Variants in MAML2 observed in about 807,000 individuals in gnomAD.
MAML2 encodes mastermind like transcriptional coactivator 2.
A neutral mutation model predicts 96.1 loss-of-function variants in MAML2; 22 were observed. The ratio of observed to expected loss-of-function variants is 0.23; its 90% CI spans 0.16 to 0.33. MAML2 has a LOEUF of 0.33. Among genes scored for constraint, MAML2 ranks in the 10% least tolerant of loss-of-function variants. The probability of loss-of-function intolerance (pLI) is 1.00; values close to 1 mark genes in which losing one functional copy is unlikely to be tolerated. For synonymous variants in MAML2, 561 were observed against 521.3 expected (o/e 1.08, Z -1.04); for missense variants, 1,367 against 1,392.4 (o/e 0.98, Z 0.29).
Position 96,341,486 on chromosome 11 carries a change from T to C in MAML2, c.410A>G (p.His137Arg), listed in dbSNP as rs1381312246. ...ACCATTATTGCTACTGTTCAGCAGG[T>C]GCTGCTGGTGGTGATGGTGATAGTC... ...PPDYHHHHQQ[H>R]LLNSSNNGGS... is the part of the protein sequence containing the mutation. The change falls in exon 1 of 5, where the codon CAC (histidine) becomes CGC (arginine). Residue 137 changes from histidine to arginine, a missense_variant. His to Arg is a conservative substitution (Grantham distance 29, BLOSUM62 0). Transcript: ENST00000524717. 18 of 1,551,486 alleles carry C rather than the reference T, an allele frequency of 1.2e-5. No homozygotes were observed. In the Admixed American group the frequency reaches 3.5e-4, roughly 30 times the overall value.
At chr11:96,262,121 C>G (rs151258208) in intron 1 of MAML2, among the ~76,000 whole-genome samples, 1 of 152,274 alleles carries the variant, frequency 6.6e-6, no homozygotes, top group Non-Finnish European at 1.5e-5. Context: ...TTTTCACAAG[C>G]ATTCTGGGAC....
chr11:96,288,704 G>T (rs1317919487), intron 1 of MAML2, among the ~76,000 whole-genome samples: 3 of 152,050 alleles, frequency 2.0e-5, no homozygotes, highest in Non-Finnish European at 4.4e-5. Context: ...TTAAATTAAG[G>T]TATAAAGCTG....
chr11:96,029,546 A>T (rs540842789), intron 2 of MAML2, among the ~76,000 whole-genome samples: 30 of 152,260 alleles, frequency 2.0e-4, no homozygotes, highest in African/African-American at 7.0e-4. Flanking sequence ...TTTAGAGGAT[A>T]ATCTAGATAA....
chr11:95,999,221 T>A (rs1020672152), intron 2 of MAML2, among the ~76,000 whole-genome samples: 2 of 152,120 alleles, frequency 1.3e-5, no homozygotes, highest in African/African-American at 4.8e-5. Context: ...CCAAAATCTA[T>A]CCAAAAGCAG....
intron 2 of MAML2, among the ~76,000 whole-genome samples, chr11:96,047,230 T>C (rs1322983080): frequency 2.0e-5 from 3 of 152,178 alleles, no homozygotes; most frequent in Non-Finnish European, 4.4e-5. Context: ...AAATAGTTGT[T>C]CAATGAATAA....
intron 1 of MAML2, among the ~76,000 whole-genome samples, chr11:96,148,805 C>T (rs1467822630): frequency 6.6e-6 from 1 of 151,986 alleles, no homozygotes; most frequent in Admixed American, 6.6e-5. Context: ...TAGATGATCT[C>T]ATAAAGTGGT....
In MAML2 at chr11:96,094,073, T is replaced by C. The variant is rs1030661774; in HGVS notation, c.514-556A>G. Among the ~76,000 whole-genome samples, 4 of 151,054 alleles carry C rather than the reference T, an allele frequency of 2.6e-5. No individual in the cohort carries two copies. The East Asian group carries it at 5.8e-4, about 22-fold the overall frequency. On this transcript the variant is annotated intron_variant, in intron 1 of 4. Transcript: ENST00000524717. ...AATAGTTCTCAGGCCTAAGGAGATATGCTATTATTGTTCATCTACTTTTCT... is the reference window on the plus strand; with the variant it reads ...AATAGTTCTCAGGCCTAAGGAGATACGCTATTATTGTTCATCTACTTTTCT...
At chr11:96,136,217 A>C (rs1860629084) in intron 1 of MAML2, among the ~76,000 whole-genome samples, 2 of 152,302 alleles carry the variant, frequency 1.3e-5, no homozygotes, top group South Asian at 4.1e-4. Flanking sequence ...TTTCCCACTT[A>C]CCATCAGTTT....
chr11:96,031,025 G>A (rs903933293), intron 2 of MAML2, among the ~76,000 whole-genome samples: 2 of 152,158 alleles, frequency 1.3e-5, no homozygotes, highest in African/African-American at 4.8e-5. Flanking sequence ...TTAAGAGTTT[G>A]GTTAGGAGTC....
intron 1 of MAML2, among the ~76,000 whole-genome samples, chr11:96,274,647 C>G (rs1043626413): frequency 6.6e-6 from 1 of 151,932 alleles, no homozygotes; most frequent in African/African-American, 2.4e-5. Context: ...TAAACTATTA[C>G]TAATGAAAAG....
At chr11:96,008,242 C>T (rs1176206329) in intron 2 of MAML2, among the ~76,000 whole-genome samples, 1 of 378 alleles carries the variant, frequency 2.6e-3, no homozygotes, top group Admixed American at 0.025. Context: ...TTGGTTGTAT[C>T]GGATTCTAGT....
At chr11:96,317,793 G>A (rs1863650988) in intron 1 of MAML2, among the ~76,000 whole-genome samples, 1 of 152,218 alleles carries the variant, frequency 6.6e-6, no homozygotes, top group African/African-American at 2.4e-5. Context: ...AAACCCCAGG[G>A]CACCTGCGTC....
In MAML2 at chr11:96,134,550, A is replaced by G. The variant is rs189694687; in HGVS notation, c.514-41033T>C. 3.3e-5 allele frequency among the ~76,000 whole-genome samples: 5 copies of G among 152,358 alleles called. No individual in the cohort carries two copies. In the East Asian group the frequency reaches 9.6e-4, roughly 29 times the overall value. Reference sequence around the variant, plus strand: ...GCAGTCAAACTCTTGTTCAAATACTATACTGAAATAAAAAGAGTCAAAGAA... The same window carrying G: ...GCAGTCAAACTCTTGTTCAAATACTGTACTGAAATAAAAAGAGTCAAAGAA... On this transcript the variant is annotated intron_variant, in intron 1 of 4. Coordinates refer to ENST00000524717, the MANE Select transcript of MAML2 (RefSeq NM_032427.4).
intron 1 of MAML2, among the ~76,000 whole-genome samples, chr11:96,327,441 T>A (rs1464523888): frequency 6.6e-6 from 1 of 152,166 alleles, no homozygotes; most frequent in Non-Finnish European, 1.5e-5. Flanking sequence ...ATTTATTTAT[T>A]TTTTGAGACA....
chr11:96,014,919 T>C (rs73521632), intron 2 of MAML2, among the ~76,000 whole-genome samples: 2,548 of 152,252 alleles, frequency 0.017, 72 homozygotes, highest in African/African-American at 0.058. Context: ...ATAATAGCTA[T>C]CATGTGTTGG....
At chr11:96,071,158 A>G (rs1369015209) in intron 2 of MAML2, among the ~76,000 whole-genome samples, 1 of 152,262 alleles carries the variant, frequency 6.6e-6, no homozygotes, top group Non-Finnish European at 1.5e-5. Context: ...GACAAGAGTC[A>G]AAAGGAAACC....
At chr11:96,297,953 A>G (rs1863326176) in intron 1 of MAML2, among the ~76,000 whole-genome samples, 1 of 152,136 alleles carries the variant, frequency 6.6e-6, no homozygotes, top group Non-Finnish European at 1.5e-5. Flanking sequence ...CACCTCAAAA[A>G]TTGTTTTATT....
intron 2 of MAML2, among the ~76,000 whole-genome samples, chr11:96,041,489 A>AGAAGGAAAG (rs879851030): frequency 1.4e-5 from 2 of 141,250 alleles, no homozygotes; most frequent in African/African-American, 2.6e-5. Context: ...AAAGAAAGAA[A>AGAAGGAAAG]GAAGGAAAGG....
chr11:96,196,255 G>A (rs1213990842), intron 1 of MAML2, among the ~76,000 whole-genome samples: 3 of 152,140 alleles, frequency 2.0e-5, no homozygotes, highest in Admixed American at 2.0e-4. Flanking sequence ...CAGTGATCAG[G>A]AAGATAAATA....
Sources: gnomAD v4.1 joint callset for allele counts (sites outside exome capture counted in the v4.1 genomes callset) on GRCh38, gnomAD v4.1.1 for gene constraint, MANE v1.5 for transcripts, NCBI Gene and HGNC (gene_info 2026-07-23, HGNC 2026-07-21) for gene names.